Variants in EPHA6 observed in about 807,000 individuals in gnomAD.
The protein encoded by EPHA6 is EPH receptor A6.
A neutral mutation model predicts 112.0 loss-of-function variants in EPHA6; 50 were observed. That is an observed-to-expected ratio of 0.45 (90% CI 0.36 to 0.56). The LOEUF is 0.56. EPHA6 is among the 20% of genes least tolerant of loss of function. EPHA6 has a pLI of 0.00. For missense variants in EPHA6, 1,280 were observed against 1,417.4 expected (o/e 0.90, Z 1.56); for synonymous variants, 529 against 490.7 (o/e 1.08, Z -1.03).
intron 11 of EPHA6, among the ~76,000 whole-genome samples, chr3:97,548,865 C>T (rs1475046395): frequency 2.6e-5 from 4 of 152,194 alleles, no homozygotes; most frequent in Non-Finnish European, 5.9e-5. Context: ...CACCCCATAA[C>T]TATTTTATGT....
At chr3:97,690,652 G>A (rs771369351) in intron 14 of EPHA6, among the ~76,000 whole-genome samples, 50 of 152,012 alleles carry the variant, frequency 3.3e-4, no homozygotes, top group Non-Finnish European at 6.9e-4. Flanking sequence ...ATTTTTAGTA[G>A]AGACGAGGTT....
At chr3:97,302,516 TCA>T (rs2081137156) in intron 5 of EPHA6, among the ~76,000 whole-genome samples, 1 of 151,232 alleles carries the variant, frequency 6.6e-6, no homozygotes, top group Admixed American at 6.6e-5. Context: ...TATTTTTTTG[TCA>T]CAGTCAAAAG....
At chr3:97,251,038 T>G (rs1263331376) in intron 5 of EPHA6, among the ~76,000 whole-genome samples, 1 of 151,770 alleles carries the variant, frequency 6.6e-6, no homozygotes, top group African/African-American at 2.4e-5. Flanking sequence ...GCTAATTTTT[T>G]TGTGTTTTTA....
intron 5 of EPHA6, among the ~76,000 whole-genome samples, chr3:97,279,065 A>G (rs911793904): frequency 7.9e-5 from 12 of 152,334 alleles, no homozygotes; most frequent in African/African-American, 2.9e-4. Flanking sequence ...TTACACTCAC[A>G]TAATTTACTA....
At chr3:96,958,867 A>G (rs1198354697) in intron 2 of EPHA6, among the ~76,000 whole-genome samples, 1 of 152,218 alleles carries the variant, frequency 6.6e-6, no homozygotes, top group East Asian at 1.9e-4. Flanking sequence ...ATTCCCGAAT[A>G]CTATTCAATT....
intron 14 of EPHA6, among the ~76,000 whole-genome samples, chr3:97,644,440 G>C (rs1439585591): frequency 1.3e-5 from 2 of 150,892 alleles, no homozygotes; most frequent in African/African-American, 2.4e-5. Context: ...ACTAAGATCA[G>C]AGCAGAACTG....
intron 2 of EPHA6, among the ~76,000 whole-genome samples, chr3:96,870,644 A>T (rs1218042066): frequency 6.6e-6 from 1 of 152,128 alleles, no homozygotes; most frequent in Non-Finnish European, 1.5e-5. Context: ...AGGAAAATAA[A>T]CATGTCATTC....
chr3:96,991,403 G>A (rs1010163230), intron 3 of EPHA6, among the ~76,000 whole-genome samples: 1 of 152,164 alleles, frequency 6.6e-6, no homozygotes, highest in South Asian at 2.1e-4. Context: ...GAGTTGGAAT[G>A]TCCAAGATAG....
chr3:97,272,297 CGTGTGTGTGTGT>C (rs58790255), intron 5 of EPHA6, among the ~76,000 whole-genome samples: 21,786 of 150,258 alleles, frequency 0.14, 2,005 homozygotes, highest in Non-Finnish European at 0.21. Flanking sequence ...TATTCCATTT[CGTGTGTGTGTGT>C]GTGTGTGTGT....
chr3:97,441,412 A>G, intron 6 of EPHA6: 1 of 971,534 alleles, frequency 1.0e-6, no homozygotes, highest in Non-Finnish European at 1.2e-6. Context: ...AAAACAAAAT[A>G]CAGACAAACA....
At chr3:97,718,013 CTTACATA>C (rs1165507181) in intron 14 of EPHA6, among the ~76,000 whole-genome samples, 1 of 152,198 alleles carries the variant, frequency 6.6e-6, no homozygotes, top group Admixed American at 6.5e-5. Flanking sequence ...AAGTCACACT[CTTACATA>C]TTGTTTTCTG....
At chr3:97,640,454 A>G (rs2093991286) in intron 14 of EPHA6, among the ~76,000 whole-genome samples, 2 of 152,118 alleles carry the variant, frequency 1.3e-5, no homozygotes, top group African/African-American at 4.8e-5. Flanking sequence ...AATAACAAAC[A>G]TAGACGCATG....
At chr3:96,905,057 C>A (rs1020865676) in intron 2 of EPHA6, among the ~76,000 whole-genome samples, 1 of 151,882 alleles carries the variant, frequency 6.6e-6, no homozygotes, top group Non-Finnish European at 1.5e-5. Flanking sequence ...AGAGTTTTGC[C>A]AAAGGAATGC....
intron 1 of EPHA6, among the ~76,000 whole-genome samples, chr3:96,818,411 A>G (rs2032978778): frequency 6.6e-6 from 1 of 152,026 alleles, no homozygotes; most frequent in African/African-American, 2.4e-5. Context: ...AAGTTAGTCT[A>G]GTGAACTTAT....
Position 97,592,886 on chromosome 3 carries a change from A to G in EPHA6, c.2512+149A>G. On this transcript the variant is annotated intron_variant, in intron 12 of 17. Transcript: ENST00000389672. ...CTGCTTAAATTCAGAAACCATATTT[A>G]TAATACTGAATGCTGTCAAAATGGC... 2 of 967,900 alleles carry G rather than the reference A, an allele frequency of 2.1e-6. 1 individual carries two copies. Among genetic ancestry groups the G allele is most frequent in the South Asian group, 5.2e-5 (2 of 38,788 alleles). 60.0% of individuals were successfully genotyped at this position (967,900 alleles called of 1,614,324 possible). A position where few individuals can be genotyped will look rare whatever the true frequency, so the allele number is the denominator to read the frequency against.
At chr3:97,723,612 T>C (rs1252077989) in intron 15 of EPHA6, among the ~76,000 whole-genome samples, 1 of 152,100 alleles carries the variant, frequency 6.6e-6, no homozygotes, top group Non-Finnish European at 1.5e-5. Flanking sequence ...GGGTTTAAGC[T>C]GTTGTATTGT....
chr3:97,226,526 C>T, intron 4 of EPHA6, 107 bp downstream of exon 4: 1 of 1,025,088 alleles, frequency 9.8e-7, no homozygotes, highest in Non-Finnish European at 1.4e-6. Context: ...ATTATCAATG[C>T]CATTTGTCTG....
intron 3 of EPHA6, among the ~76,000 whole-genome samples, chr3:97,076,560 A>T (rs1227852858): frequency 6.6e-6 from 1 of 152,212 alleles, no homozygotes; most frequent in Non-Finnish European, 1.5e-5. Context: ...GCAGCAAGTT[A>T]TCCAGAAGAT....
At chr3:96,893,869 TCATTA>T (rs2038116680) in intron 2 of EPHA6, among the ~76,000 whole-genome samples, 1 of 152,220 alleles carries the variant, frequency 6.6e-6, no homozygotes, top group Non-Finnish European at 1.5e-5. Context: ...GAATTGATGT[TCATTA>T]CATGATGGAA....
Sources: gnomAD v4.1 joint callset for allele counts (sites outside exome capture counted in the v4.1 genomes callset) on GRCh38, gnomAD v4.1.1 for gene constraint, MANE v1.5 for transcripts, NCBI Gene and HGNC (gene_info 2026-07-23, HGNC 2026-07-21) for gene names.